The following COLEC12 variants were observed in gnomAD, a reference collection of about 807,000 sequenced individuals.
COLEC12 encodes the protein collectin subfamily member 12.
Under a neutral mutation model 71.1 loss-of-function variants are expected in COLEC12, and 33 were observed. That is an observed-to-expected ratio of 0.46 (90% CI 0.35 to 0.62). The LOEUF is 0.62. Among genes scored for constraint, COLEC12 ranks in the 20% least tolerant of loss-of-function variants. The probability of loss-of-function intolerance (pLI) is 0.00; values close to 1 mark genes in which losing one functional copy is unlikely to be tolerated. For missense variants in COLEC12, 765 were observed against 916.1 expected (o/e 0.84, Z 2.13); for synonymous variants, 350 against 353.0 (o/e 0.99, Z 0.10).
chr18:352,075 G>A (rs949055017), intron 3 of COLEC12, among the ~76,000 whole-genome samples: 8 of 152,116 alleles, frequency 5.3e-5, no homozygotes, highest in South Asian at 2.1e-4. Context: ...ATGACATTTC[G>A]CTGAGTAATT....
intron 2 of COLEC12, among the ~76,000 whole-genome samples, chr18:396,007 C>T (rs536316799): frequency 1.1e-4 from 16 of 152,324 alleles, no homozygotes; most frequent in African/African-American, 2.9e-4. Context: ...TGGTGGAGAG[C>T]GCTGCCAAGG....
intron 2 of COLEC12, among the ~76,000 whole-genome samples, chr18:363,057 C>G (rs926096801): frequency 6.6e-6 from 1 of 152,026 alleles, no homozygotes; most frequent in Non-Finnish European, 1.5e-5. Flanking sequence ...GGCTGCTGAT[C>G]AGTGAGCCGT....
In COLEC12 at chr18:317,090, G is replaced by A. The variant is rs2143385721; in HGVS notation, c.*2955C>T. ...AACACAAAAATTAGCCTGGCATGGT[G>A]GCACGCACCTGTAGTCCCTAAGCTA... On this transcript the variant is annotated 3_prime_UTR_variant, in exon 10 of 10. Coordinates refer to ENST00000400256, the MANE Select transcript of COLEC12 (RefSeq NM_130386.3). The A allele has an allele frequency of 6.6e-6, 1 of 152,348 alleles. No individual in the cohort carries two copies. The highest frequency in any genetic ancestry group is 1.9e-4 in the East Asian group (1 of 5,172). The allele number at this position is 152,348 out of a possible 1,614,324, so 9.4% of individuals were successfully genotyped here.
intron 2 of COLEC12, among the ~76,000 whole-genome samples, chr18:465,391 T>C (rs999917493): frequency 2.0e-5 from 3 of 152,156 alleles, no homozygotes; most frequent in Non-Finnish European, 4.4e-5. Context: ...CATGAGCCAC[T>C]GCACCCAGCC....
intron 2 of COLEC12, among the ~76,000 whole-genome samples, chr18:432,583 G>T (rs960981022): frequency 2.6e-5 from 4 of 152,086 alleles, no homozygotes; most frequent in African/African-American, 9.7e-5. Flanking sequence ...TTGCTTATAC[G>T]TGATTTCTTT....
chr18:322,344 A>C (rs577056124), intron 8 of COLEC12, among the ~76,000 whole-genome samples: 4 of 152,198 alleles, frequency 2.6e-5, no homozygotes, highest in Non-Finnish European at 5.9e-5. Flanking sequence ...TACAATTACA[A>C]ATAACTGGTT....
At chr18:330,786 A>G (rs1043433591) in intron 8 of COLEC12, among the ~76,000 whole-genome samples, 1 of 152,070 alleles carries the variant, frequency 6.6e-6, no homozygotes. Context: ...GGAATCTTCA[A>G]ACCTCTAGGG....
chr18:347,381 G>C (rs926461115), intron 4 of COLEC12, 40 bp from the exon 5 acceptor site: 7 of 1,555,170 alleles, frequency 4.5e-6, no homozygotes, highest in Non-Finnish European at 6.2e-6. Context: ...TGGTGGTATG[G>C]AGAAGTGTTC....
chr18:414,579 CAA>C (rs1915953501), intron 2 of COLEC12, among the ~76,000 whole-genome samples: 2 of 152,124 alleles, frequency 1.3e-5, no homozygotes, highest in South Asian at 2.1e-4. Context: ...GCCTGGGCAA[CAA>C]GAGTGAAACT....
rs375041212 is a variant in COLEC12, at chr18:441,202, T to C, written c.58+39505A>G. The stretch of plus-strand genomic sequence containing the variant: ...GGCGGAGCTTGCAGTGAGCCGAGAT[T>C]GTGCCACTGCACTCCAGCCTGGGCG... On this transcript the variant is annotated intron_variant, in intron 2 of 9. Coordinates refer to ENST00000400256, the MANE Select transcript of COLEC12 (RefSeq NM_130386.3). 3.6e-3 allele frequency among the ~76,000 whole-genome samples: 537 copies of C among 149,296 alleles called. 3 individuals carry two copies. The highest frequency in any genetic ancestry group is 5.5e-3 in the Non-Finnish European group (370 of 67,260).
intron 2 of COLEC12, among the ~76,000 whole-genome samples, chr18:380,872 C>T (rs190077162): frequency 6.6e-6 from 1 of 152,086 alleles, no homozygotes; most frequent in Admixed American, 6.6e-5. Context: ...AAGTGAGAGA[C>T]GGCAGAAAGA....
chr18:489,190 GC>G (rs1157261517), intron 1 of COLEC12, among the ~76,000 whole-genome samples: 1 of 152,222 alleles, frequency 6.6e-6, no homozygotes, highest in Non-Finnish European at 1.5e-5. Context: ...AAAAAGATCA[GC>G]TTCACATTTA....
chr18:401,423 C>A (rs1915683794), intron 2 of COLEC12, among the ~76,000 whole-genome samples: 1 of 152,218 alleles, frequency 6.6e-6, no homozygotes, highest in African/African-American at 2.4e-5. Context: ...GGGATTCAAC[C>A]CGTATTCCAA....
chr18:321,958 T>C, intron 8 of COLEC12, 151 bp from the exon 9 acceptor site: 1 of 751,944 alleles, frequency 1.3e-6, no homozygotes, highest in South Asian at 1.9e-5. Flanking sequence ...CATGCTCTTA[T>C]TCAGAGAAAG....
At chr18:332,692 C>T (rs1180487564) in intron 7 of COLEC12, among the ~76,000 whole-genome samples, 2 of 152,214 alleles carry the variant, frequency 1.3e-5, no homozygotes, top group African/African-American at 4.8e-5. Flanking sequence ...GTTCATGCCT[C>T]TCTCTGTCCC....
chr18:334,950 T>C lies in COLEC12; in HGVS notation c.1608A>G (p.Gly536=). The change falls in exon 6 of 10, where the codon GGA becomes GGG. Residue 536 remains glycine, a synonymous_variant. Coordinates refer to ENST00000400256, the MANE Select transcript of COLEC12 (RefSeq NM_130386.3). The stretch of plus-strand genomic sequence containing the variant: ...CAGGAGGGCCCTGAGGGCCGGGGAG[T>C]CCCTCTTTGCCTGGTGGGCCCGGGG... ...PGPPGPPGKE[G]LPGPQGPPGF... The C allele has an allele frequency of 6.4e-7, 1 of 1,570,590 alleles. No individual in the cohort carries two copies. Among genetic ancestry groups the C allele is most frequent in the Admixed American group, 2.1e-5 (1 of 47,800 alleles).
chr18:467,895 G>A (rs1247214670), intron 2 of COLEC12, among the ~76,000 whole-genome samples: 1 of 149,922 alleles, frequency 6.7e-6, no homozygotes, highest in Non-Finnish European at 1.5e-5. Context: ...AGATACCTGG[G>A]AAGATAGATC....
rs1402439624 is a variant in COLEC12 at position 319,345 on chromosome 18, T to A, written c.*700A>T. 1 of 98,494 alleles carries A rather than the reference T, an allele frequency of 1.0e-5. No homozygotes were observed. The highest frequency in any genetic ancestry group is 3.3e-5 in the African/African-American group (1 of 30,228). The allele number at this position is 98,494 out of a possible 1,614,324, so 6.1% of individuals were successfully genotyped here. A position where few individuals can be genotyped will look rare whatever the true frequency, so the allele number is the denominator to read the frequency against. On this transcript the variant is annotated 3_prime_UTR_variant, in exon 10 of 10. Coordinates refer to ENST00000400256, the MANE Select transcript of COLEC12 (RefSeq NM_130386.3). ...TTAAAAAAAAAAAAAAAAAAAAATA[T>A]ATATATATATATATATATACACATG...
chr18:382,528 A>G (rs1359220736), intron 2 of COLEC12, among the ~76,000 whole-genome samples: 1 of 152,200 alleles, frequency 6.6e-6, no homozygotes, highest in Non-Finnish European at 1.5e-5. Context: ...AGCAAACCCA[A>G]TATAATGAAA....
Sources: allele counts gnomAD v4.1 joint callset (sites outside exome capture counted in the v4.1 genomes callset), GRCh38; gene constraint gnomAD v4.1.1; transcripts MANE v1.5; gene names NCBI Gene and HGNC (gene_info 2026-07-23, HGNC 2026-07-21).